The following NBEA variants were observed in gnomAD, a reference collection of about 807,000 sequenced individuals.
NBEA encodes the protein lysosomal-trafficking regulator 2.
A neutral mutation model predicts 343.4 loss-of-function variants in NBEA; 44 were observed. That is an observed-to-expected ratio of 0.13 (90% CI 0.10 to 0.16). The LOEUF (loss-of-function observed/expected upper bound fraction) is 0.16, where lower values mean the gene tolerates loss of function less well. NBEA is among the 10% of genes least tolerant of loss of function. The pLI, the probability that NBEA is intolerant of heterozygous loss-of-function variation, is 1.00. For synonymous variants in NBEA, 1,175 were observed against 1,238.7 expected (o/e 0.95, Z 1.08); for missense variants, 2,555 against 3,631.3 (o/e 0.70, Z 7.62).
chr13:34,969,805 A>AT, intron 1 of NBEA, among the ~76,000 whole-genome samples: 1 of 151,440 alleles, frequency 6.6e-6, no homozygotes, highest in Non-Finnish European at 1.5e-5. Flanking sequence ...ATTGATATGT[A>AT]TTGAAGTTAA....
chr13:35,655,482 AT>A (rs2084773086), intron 54 of NBEA, 96 bp from the exon 55 acceptor site: 1 of 1,259,864 alleles, frequency 7.9e-7, no homozygotes, highest in African/African-American at 1.5e-5. Flanking sequence ...AAAATTAAAA[AT>A]ATGGTAAAAT....
chr13:35,652,495 G>T (rs190153773), intron 53 of NBEA, among the ~76,000 whole-genome samples: 1 of 150,738 alleles, frequency 6.6e-6, no homozygotes, highest in Non-Finnish European at 1.5e-5. Context: ...AAAAAAATTA[G>T]CCAGGCGCGG....
At chr13:35,069,397 A>G (rs915740851) in intron 8 of NBEA, among the ~76,000 whole-genome samples, 3 of 152,078 alleles carry the variant, frequency 2.0e-5, no homozygotes, top group Admixed American at 6.6e-5. Flanking sequence ...TTTTGTATGT[A>G]TATTGTGATA....
At chr13:35,305,425 G>T (rs1484807091) in intron 35 of NBEA, among the ~76,000 whole-genome samples, 1 of 152,094 alleles carries the variant, frequency 6.6e-6, no homozygotes, top group African/African-American at 2.4e-5. Flanking sequence ...TTTAGGGTTT[G>T]TCACAAGTTC....
intron 1 of NBEA, among the ~76,000 whole-genome samples, chr13:35,010,605 A>G (rs188930872): frequency 6.8e-6 from 1 of 147,726 alleles, no homozygotes; most frequent in African/African-American, 2.5e-5. Context: ...TAGATGGGCC[A>G]GGCATGGTGG....
intron 4 of NBEA, among the ~76,000 whole-genome samples, chr13:35,045,615 C>T (rs181309717): frequency 1.3e-5 from 2 of 152,286 alleles, no homozygotes; most frequent in East Asian, 3.9e-4. Context: ...TCTACCCATC[C>T]CCACTCCTTA....
At chr13:35,585,369 A>T in intron 46 of NBEA, among the ~76,000 whole-genome samples, 1 of 151,744 alleles carries the variant, frequency 6.6e-6, no homozygotes, top group Non-Finnish European at 1.5e-5. Context: ...AGAGCATCCC[A>T]TTTTTTACCT....
chr13:35,393,251 TA>T (rs891262424), intron 38 of NBEA, among the ~76,000 whole-genome samples: 31 of 152,060 alleles, frequency 2.0e-4, no homozygotes, highest in African/African-American at 7.2e-4. Context: ...TTTAGCACAT[TA>T]AAAAAATGAT....
intron 41 of NBEA, among the ~76,000 whole-genome samples, chr13:35,483,708 T>G (rs948151304): frequency 6.6e-6 from 1 of 152,134 alleles, no homozygotes; most frequent in Non-Finnish European, 1.5e-5. Flanking sequence ...TTTTGTATTT[T>G]TATTTTGCAG....
intron 7 of NBEA, among the ~76,000 whole-genome samples, chr13:35,057,042 C>A (rs1401289784): frequency 6.6e-6 from 1 of 152,070 alleles, no homozygotes; most frequent in Non-Finnish European, 1.5e-5. Context: ...CCTCAAGGGT[C>A]CTTACGGTTT....
intron 33 of NBEA, among the ~76,000 whole-genome samples, chr13:35,229,315 A>G (rs546335451): frequency 3.3e-4 from 51 of 152,286 alleles, no homozygotes; most frequent in African/African-American, 1.1e-3. Context: ...TATAGGTATG[A>G]GCCACCATGC....
chr13:35,451,282 C>G (rs748837622), intron 39 of NBEA, among the ~76,000 whole-genome samples: 1 of 152,104 alleles, frequency 6.6e-6, no homozygotes, highest in Non-Finnish European at 1.5e-5. Context: ...TGGCTCCACG[C>G]CCGTCTAATT....
chr13:35,444,186 A>G lies in NBEA; in HGVS notation c.6305-7906A>G, dbSNP rs1594658807. Among the ~76,000 whole-genome samples the G allele has an allele frequency of 2.0e-5, 3 of 152,032 alleles. No homozygotes were observed. In the East Asian group the frequency reaches 5.8e-4, roughly 29 times the overall value. ...TTTTTTGAAATGTTCAAAATTGTAA[A>G]CTTCCCAGTAATAGATTGATTCATA... is the stretch of plus-strand genomic sequence containing the variant. On this transcript the variant is annotated intron_variant, in intron 39 of 58. Transcript: ENST00000379939.
chr13:35,387,214 T>G (rs966395224), intron 38 of NBEA, among the ~76,000 whole-genome samples: 1 of 152,134 alleles, frequency 6.6e-6, no homozygotes, highest in Admixed American at 6.6e-5. Context: ...TTGTTTATCA[T>G]GAGAAAAATT....
intron 48 of NBEA, among the ~76,000 whole-genome samples, chr13:35,613,627 T>A (rs2082616715): frequency 6.6e-6 from 1 of 152,018 alleles, no homozygotes; most frequent in African/African-American, 2.4e-5. Context: ...TTTGTTTGTT[T>A]GTTTGTTTGT....
chr13:35,372,345 G>C (rs779762006), intron 38 of NBEA, among the ~76,000 whole-genome samples: 3 of 152,164 alleles, frequency 2.0e-5, no homozygotes, highest in Admixed American at 6.5e-5. Flanking sequence ...GGCAAATTGG[G>C]TGGGCCCATC....
At chr13:35,423,300 T>G (rs2044421608) in intron 38 of NBEA, among the ~76,000 whole-genome samples, 1 of 152,218 alleles carries the variant, frequency 6.6e-6, no homozygotes, top group African/African-American at 2.4e-5. Context: ...ATTTAAGTCT[T>G]TAATCCATCT....
chr13:35,155,260 T>C (rs2069087540), intron 18 of NBEA, among the ~76,000 whole-genome samples: 1 of 152,226 alleles, frequency 6.6e-6, no homozygotes, highest in East Asian at 1.9e-4. Flanking sequence ...TGGTTTTGTA[T>C]GTATAAATAA....
chr13:35,462,159 G>A (rs7332995), intron 40 of NBEA, among the ~76,000 whole-genome samples: 3,568 of 152,132 alleles, frequency 0.023, 158 homozygotes, highest in African/African-American at 0.082. Context: ...TATAAGTATC[G>A]GATATCAACT....
Sources: gnomAD v4.1 joint callset for allele counts (sites outside exome capture counted in the v4.1 genomes callset) on GRCh38, gnomAD v4.1.1 for gene constraint, MANE v1.5 for transcripts, NCBI Gene and HGNC (gene_info 2026-07-23, HGNC 2026-07-21) for gene names.